The following CYP2E1 variants were observed in gnomAD, a reference collection of about 807,000 sequenced individuals.
CYP2E1 encodes cytochrome P450 2E1.
In CYP2E1, 31 loss-of-function variants were observed where a neutral mutation model predicts 42.9. The observed-to-expected ratio is 0.72, with a 90% CI of 0.54 to 0.98. The LOEUF (loss-of-function observed/expected upper bound fraction) is 0.98, where lower values mean the gene tolerates loss of function less well. Among genes scored for constraint, CYP2E1 ranks in the 50% least tolerant of loss-of-function variants. The pLI is 0.00. For synonymous variants in CYP2E1, 244 were observed against 248.9 expected, an observed-to-expected ratio of 0.98 and a Z score of 0.19; for missense variants, 565 against 633.2, an observed-to-expected ratio of 0.89 and a Z score of 1.16.
chr10:133,528,457 A>C, intron 1 of CYP2E1, 24 bp from the exon 2 acceptor site: 2 of 1,610,216 alleles, frequency 1.2e-6, no homozygotes, highest in Non-Finnish European at 1.7e-6. Context: ...GGCGGGCCTG[A>C]CTTCTAGCCA....
At chr10:133,532,947 C>T (rs1851356872) in intron 5 of CYP2E1, 79 bp downstream of exon 5, 2 of 1,353,776 alleles carry the variant, frequency 1.5e-6, no homozygotes, top group Non-Finnish European at 2.0e-6. Flanking sequence ...GAGTGAGCTG[C>T]ACTTGCTGGT....
chr10:133,529,538 G>C (rs1449917090), intron 2 of CYP2E1, among the ~76,000 whole-genome samples: 1 of 152,266 alleles, frequency 6.6e-6, no homozygotes, highest in African/African-American at 2.4e-5. Flanking sequence ...AATGCTGTGT[G>C]GAATTTTTAA....
At chr10:133,535,202 C>T (rs1425330529) in intron 6 of CYP2E1, among the ~76,000 whole-genome samples, 1 of 152,038 alleles carries the variant, frequency 6.6e-6, no homozygotes, top group Non-Finnish European at 1.5e-5. Flanking sequence ...GGTGTGGTGG[C>T]ACGCGCCTAT....
chr10:133,531,091 A>G (rs1055765359), intron 2 of CYP2E1, among the ~76,000 whole-genome samples: 7 of 152,136 alleles, frequency 4.6e-5, no homozygotes, highest in African/African-American at 1.4e-4. Context: ...GTGACCTGCA[A>G]GATTTTAGTG....
intron 8 of CYP2E1, among the ~76,000 whole-genome samples, chr10:133,538,339 C>T (rs1851431135): frequency 6.6e-6 from 1 of 152,154 alleles, no homozygotes; most frequent in Non-Finnish European, 1.5e-5. Flanking sequence ...CTTTGAGGCA[C>T]TTGTCCTCCT....
intron 2 of CYP2E1, among the ~76,000 whole-genome samples, chr10:133,530,630 T>C (rs1041284795): frequency 3.9e-5 from 6 of 152,170 alleles, no homozygotes; most frequent in African/African-American, 1.2e-4. Context: ...TGAAGCTGCA[T>C]AGGACATGAC....
intron 8 of CYP2E1, among the ~76,000 whole-genome samples, 160 bp from the exon 9 acceptor site, chr10:133,538,620 C>T (rs1339610225): frequency 6.6e-6 from 1 of 152,146 alleles, no homozygotes; most frequent in Non-Finnish European, 1.5e-5. Context: ...CACTCAAGTA[C>T]ATTTTGTGCT....
In CYP2E1 at chr10:133,538,850, G is replaced by A; in HGVS notation, c.1368G>A (p.Gln456=). The change falls in exon 9 of 9, where the codon CAG becomes CAA. Residue 456 remains glutamine, a synonymous_variant. Transcript: ENST00000252945. ...TTCTTTTGTTGTGTGCCATTTTGCA[G>A]CATTTTAATTTGAAGCCTCTCGTTG... ...ELFLLLCAIL[Q]HFNLKPLVDP... 1 of 1,614,140 alleles carries A rather than the reference G, an allele frequency of 6.2e-7. No individual in the cohort carries two copies. The highest frequency in any genetic ancestry group is 8.5e-7 in the Non-Finnish European group (1 of 1,180,016).
intron 1 of CYP2E1, 71 bp from the exon 2 acceptor site, chr10:133,528,410 G>C (rs1262246450): frequency 6.4e-7 from 1 of 1,564,946 alleles, no homozygotes; most frequent in Non-Finnish European, 8.7e-7. Context: ...CCGCCCGGCA[G>C]GGGTGTGGCT....
chr10:133,528,544 C>G lies in CYP2E1; in HGVS notation c.241C>G (p.His81Asp), dbSNP rs745393299. Reference protein sequence around the residue: ...YVGSQRMVVMHGYKAVKEALL... With the variant: ...YVGSQRMVVMDGYKAVKEALL... Reference sequence around the variant, plus strand: ...GGGCTCGCAGCGCATGGTGGTGATGCACGGCTACAAGGCGGTGAAGGAAGC... The same window carrying G: ...GGGCTCGCAGCGCATGGTGGTGATGGACGGCTACAAGGCGGTGAAGGAAGC... Residue 81 changes from histidine to aspartate, a missense_variant, in exon 2 of 9, where the codon CAC (histidine) becomes GAC (aspartate). His to Asp is a moderately conservative substitution (Grantham distance 81). Coordinates refer to ENST00000252945, the MANE Select transcript of CYP2E1 (RefSeq NM_000773.4). The G allele has an allele frequency of 6.2e-7, 1 of 1,613,542 alleles. No individual in the cohort carries two copies. The highest frequency in any genetic ancestry group is 8.5e-7 in the Non-Finnish European group (1 of 1,179,964).
chr10:133,527,403 C>T lies in CYP2E1; in HGVS notation c.8C>T (p.Ala3Val). 1.2e-6 allele frequency: 2 copies of T among 1,609,002 alleles called. No homozygotes were observed. Among genetic ancestry groups the T allele is most frequent in the South Asian group, 2.2e-5 (2 of 90,734 alleles). The change falls in exon 1 of 9, where the codon GCC becomes GTC. Residue 3 changes from alanine (A) to valine (V), a missense_variant. Transcript: ENST00000252945. MSALGVTVALLVW... is the reference protein window; with the variant it reads MSVLGVTVALLVW... ...CAGGGCCCCAGCGGCACCATGTCTG[C>T]CCTCGGAGTCACCGTGGCCCTGCTG...
In CYP2E1 at chr10:133,532,791, G is replaced by A; in HGVS notation, c.748G>A (p.Val250Met). 1.2e-6 allele frequency: 2 copies of A among 1,613,636 alleles called. No individual in the cohort carries two copies. Among genetic ancestry groups the A allele is most frequent in the Non-Finnish European group, 1.7e-6 (2 of 1,179,854 alleles). The part of the protein sequence containing the change: ...AEVKEYVSER[V>M]KEHHQSLDPN... ...AGTAAAAGAGTATGTGTCTGAAAGG[G>A]TGAAGGAGCACCATCAATCTCTGGA... Residue 250 changes from valine (V) to methionine (M), a missense_variant, in exon 5 of 9, where the codon GTG (valine) becomes ATG (methionine). By Grantham distance (21) the Val-to-Met change is conservative (BLOSUM62 1). Coordinates refer to ENST00000252945, the MANE Select transcript of CYP2E1 (RefSeq NM_000773.4).
chr10:133,527,757 C>G (rs1031975807), intron 1 of CYP2E1, among the ~76,000 whole-genome samples, 185 bp downstream of exon 1: 6 of 152,190 alleles, frequency 3.9e-5, no homozygotes, highest in Admixed American at 1.3e-4. Flanking sequence ...GAGCCCGGAG[C>G]CTGCGTGCCA....
At position 133,536,524 on chromosome 10, in the gene CYP2E1, G is replaced by A. The variant is rs531160026; in HGVS notation, c.968-539G>A. Among the ~76,000 whole-genome samples, 292 of 104,786 alleles carry A rather than the reference G, an allele frequency of 2.8e-3. 2 individuals carry two copies. Among genetic ancestry groups the A allele is most frequent in the African/African-American group, 8.3e-3 (277 of 33,458 alleles). 68.7% of individuals were successfully genotyped at this position (104,786 alleles called of 152,430 possible). The stretch of plus-strand genomic sequence containing the variant: ...GGAAGGGTGGGTGGATGGGTGGATG[G>A]TTGGATGTATAGATGGGTGGATGGG... On this transcript the variant is annotated intron_variant, in intron 6 of 8. Transcript: ENST00000252945.
intron 2 of CYP2E1, among the ~76,000 whole-genome samples, chr10:133,529,580 T>C (rs2133594098): frequency 6.6e-6 from 1 of 152,384 alleles, no homozygotes; most frequent in South Asian, 2.1e-4. Flanking sequence ...CCCTATTTAT[T>C]TGTCCAGCGT....
At chr10:133,528,382 C>G (rs41299408) in intron 1 of CYP2E1, 99 bp from the exon 2 acceptor site, 1 of 1,428,768 alleles carries the variant, frequency 7.0e-7, no homozygotes, top group Non-Finnish European at 9.6e-7. Flanking sequence ...TCTGGGTTCT[C>G]TAGAGCAACA....
chr10:133,532,373 G>C, intron 4 of CYP2E1, 89 bp downstream of exon 4: 1 of 1,253,320 alleles, frequency 8.0e-7, no homozygotes, highest in East Asian at 2.3e-5. Flanking sequence ...TGATAGACAG[G>C]ACTGCAAAAG....
rs190865156 is a variant in CYP2E1, at chr10:133,528,722, G to A, written c.337+82G>A. 3.6e-5 allele frequency: 55 copies of A among 1,512,898 alleles called. No homozygotes were observed. In the African/African-American group the frequency reaches 7.1e-4, roughly 20 times the overall value. The allele number at this position is 1,512,898 out of a possible 1,614,324, so 93.7% of individuals were successfully genotyped here. On this transcript the variant is annotated intron_variant, in intron 2 of 8. Transcript: ENST00000252945. The stretch of plus-strand genomic sequence containing the variant: ...ACGGGCGCTAGCCACGTCGGCGATG[G>A]CCAAATAATAAACTAACAGTAATAT...
Position 133,532,871 on chromosome 10 carries a change from A to G in CYP2E1, c.825+3A>G, listed in dbSNP as rs763818767. On this transcript the variant is annotated splice_donor_region_variant and intron_variant, in intron 5 of 8. Coordinates refer to ENST00000252945, the MANE Select transcript of CYP2E1 (RefSeq NM_000773.4). The stretch of plus-strand genomic sequence containing the variant: ...GCCTGCTCGTGGAAATGGAGAAGGT[A>G]GGCTCGGCCCTCCCATGATGTGGGC... 6.3e-7 allele frequency: 1 copy of G among 1,598,316 alleles called. No homozygotes were observed. Among genetic ancestry groups the G allele is most frequent in the East Asian group, 2.2e-5 (1 of 44,664 alleles).
Sources: allele counts gnomAD v4.1 joint callset (sites outside exome capture counted in the v4.1 genomes callset), GRCh38; gene constraint gnomAD v4.1.1; transcripts MANE v1.5; gene names NCBI Gene and HGNC (gene_info 2026-07-23, HGNC 2026-07-21).